Variants in STOX2 observed in about 807,000 individuals in gnomAD.
STOX2 encodes storkhead-box protein 2.
A neutral mutation model predicts 60.9 loss-of-function variants in STOX2; 28 were observed. That is an observed-to-expected ratio of 0.46 (90% confidence interval 0.34 to 0.63). STOX2 has a LOEUF of 0.63. Among genes scored for constraint, STOX2 ranks in the 30% least tolerant of loss-of-function variants. The pLI is 0.01. For synonymous variants in STOX2, 472 were observed against 463.9 expected, an observed-to-expected ratio of 1.02 and a Z score of -0.22; for missense variants, 1,024 against 1,187.7, an observed-to-expected ratio of 0.86 and a Z score of 2.03.
chr4:183,908,347 A>C (rs535244487), intron 1 of STOX2, among the ~76,000 whole-genome samples: 1 of 152,224 alleles, frequency 6.6e-6, no homozygotes. Context: ...CCTAAATGCA[A>C]ACCTAACCTC....
intron 1 of STOX2, among the ~76,000 whole-genome samples, chr4:183,907,609 A>T (rs985494126): frequency 1.3e-5 from 2 of 152,226 alleles, no homozygotes; most frequent in African/African-American, 4.8e-5. Flanking sequence ...GTCAGACAGG[A>T]GGGACAAACA....
intron 1 of STOX2, among the ~76,000 whole-genome samples, chr4:183,855,662 G>T (rs568391635): frequency 6.6e-6 from 1 of 152,306 alleles, no homozygotes; most frequent in South Asian, 2.1e-4. Context: ...TTCAAAATGT[G>T]TATGTAAGCA....
intron 1 of STOX2, among the ~76,000 whole-genome samples, chr4:183,927,948 C>T (rs567427351): frequency 1.4e-4 from 22 of 152,340 alleles, no homozygotes; most frequent in African/African-American, 4.8e-4. Context: ...GGCTCTGCGC[C>T]CCTCCTTGCT....
At chr4:183,914,918 A>G (rs924267462) in intron 1 of STOX2, among the ~76,000 whole-genome samples, 1 of 152,198 alleles carries the variant, frequency 6.6e-6, no homozygotes, top group Non-Finnish European at 1.5e-5. Flanking sequence ...GATAGAAGGG[A>G]TATGTTTTTG....
chr4:183,841,082 G>A (rs1182403850), intron 1 of STOX2, among the ~76,000 whole-genome samples: 1 of 152,206 alleles, frequency 6.6e-6, no homozygotes, highest in Admixed American at 6.5e-5. Flanking sequence ...TGCCCAGGCT[G>A]GTCTCAAATT....
chr4:183,859,959 T>C (rs1740392939), intron 1 of STOX2, among the ~76,000 whole-genome samples: 1 of 152,204 alleles, frequency 6.6e-6, no homozygotes, highest in Admixed American at 6.5e-5. Flanking sequence ...CAGAATTTCC[T>C]GGCAGATTAG....
chr4:183,957,938 T>A (rs11932973), intron 1 of STOX2, among the ~76,000 whole-genome samples: 1 of 147,040 alleles, frequency 6.8e-6, no homozygotes, highest in Non-Finnish European at 1.5e-5. Flanking sequence ...GATGGTAGAA[T>A]GGTATTTAGA....
chr4:184,010,806 G>A lies in STOX2; in HGVS notation c.1968G>A (p.Glu656=). ...SSREPVGHKE[E]SPKGPGGGPA... The stretch of plus-strand genomic sequence containing the variant: ...GGGAGCCTGTGGGGCACAAGGAGGA[G>A]TCACCAAAAGGGCCGGGTGGGGGCC... Residue 656 remains glutamate, a synonymous_variant, in exon 3 of 4, where the codon GAG becomes GAA. Transcript: ENST00000308497. The surrounding 1 kb of genome is among the most constrained non-coding windows in gnomAD (Gnocchi z 4.5). 7 of 1,583,838 alleles carry A rather than the reference G, an allele frequency of 4.4e-6. No homozygotes were observed. The highest frequency in any genetic ancestry group is 6.0e-6 in the Non-Finnish European group (7 of 1,165,694).
At chr4:183,979,992 T>G (rs1401784136) in intron 1 of STOX2, among the ~76,000 whole-genome samples, 1 of 152,238 alleles carries the variant, frequency 6.6e-6, no homozygotes, top group Non-Finnish European at 1.5e-5. Context: ...GATTAACTTA[T>G]AATTAAATAG....
intron 1 of STOX2, among the ~76,000 whole-genome samples, chr4:183,951,102 G>A (rs377367992): frequency 7.3e-5 from 11 of 151,568 alleles, no homozygotes; most frequent in South Asian, 6.3e-4. Context: ...TGTAGTCCCA[G>A]CTACTCGGGA....
chr4:183,844,688 A>T (rs1579327035), intron 1 of STOX2, among the ~76,000 whole-genome samples: 1 of 152,206 alleles, frequency 6.6e-6, no homozygotes, highest in African/African-American at 2.4e-5. Context: ...TCTGGGAGAG[A>T]CTGTAGGTAG....
intron 1 of STOX2, among the ~76,000 whole-genome samples, chr4:183,951,851 G>A (rs1345440283): frequency 6.6e-6 from 1 of 152,108 alleles, no homozygotes; most frequent in African/African-American, 2.4e-5. Context: ...GCTGAGGCAG[G>A]AGAATCTCTT....
chr4:183,930,735 C>A (rs1365074897), intron 1 of STOX2, among the ~76,000 whole-genome samples: 1 of 152,192 alleles, frequency 6.6e-6, no homozygotes, highest in Non-Finnish European at 1.5e-5. Flanking sequence ...AGCTATATTT[C>A]TTTCCCTCTG....
At chr4:183,929,199 A>T (rs946278582) in intron 1 of STOX2, among the ~76,000 whole-genome samples, 1 of 152,232 alleles carries the variant, frequency 6.6e-6, no homozygotes, top group East Asian at 1.9e-4. Context: ...CCCATTGCTC[A>T]TGGCTGGTTT....
Position 184,010,639 on chromosome 4 carries a change from T to A in STOX2, c.1801T>A (p.Phe601Ile), listed in dbSNP as rs1734110067. The A allele has an allele frequency of 6.2e-7, 1 of 1,613,886 alleles. No homozygotes were observed. Among genetic ancestry groups the A allele is most frequent in the Non-Finnish European group, 8.5e-7 (1 of 1,179,894 alleles). ...CPTKTATDDYFQCNTSSETVL... is the reference protein window; with the variant it reads ...CPTKTATDDYIQCNTSSETVL... Reference sequence around the variant, plus strand: ...AACAAAAACAGCCACAGATGACTATTTCCAGTGCAACACCTCTAGTGAGAC... The same window carrying A: ...AACAAAAACAGCCACAGATGACTATATCCAGTGCAACACCTCTAGTGAGAC... Residue 601 changes from phenylalanine to isoleucine, a missense_variant, in exon 3 of 4, where the codon TTC (phenylalanine) becomes ATC (isoleucine). Around this residue, in one of 3 missense-constraint regions of STOX2, gnomAD observed 922 missense variants for 1,058.3 expected, o/e 0.87. Transcript: ENST00000308497. The surrounding 1 kb of genome is among the most constrained non-coding windows in gnomAD (Gnocchi z 4.5).
At chr4:183,849,522 G>A (rs1254475122) in intron 1 of STOX2, among the ~76,000 whole-genome samples, 2 of 152,234 alleles carry the variant, frequency 1.3e-5, no homozygotes, top group Non-Finnish European at 2.9e-5. Context: ...CAATGCTGGA[G>A]GGTGAGCCTA....
chr4:183,896,144 T>C (rs553247092), intron 1 of STOX2, among the ~76,000 whole-genome samples: 2 of 152,312 alleles, frequency 1.3e-5, no homozygotes, highest in East Asian at 3.9e-4. Context: ...GATGATTCAA[T>C]GAGTCAGCAG....
chr4:183,809,126 G>A (rs984117340), intron 1 of STOX2, among the ~76,000 whole-genome samples: 8 of 152,150 alleles, frequency 5.3e-5, no homozygotes, highest in Middle Eastern at 3.2e-3. Flanking sequence ...CTGTCTCCCA[G>A]GCTGGAGTAC....
Position 184,011,137 on chromosome 4 carries a change from C to A in STOX2, c.2299C>A (p.Gln767Lys). The change falls in exon 3 of 4, where the codon CAG becomes AAG. Residue 767 changes from glutamine to lysine, a missense_variant. Gln to Lys is a moderately conservative substitution (Grantham distance 53). This residue lies in a region of STOX2 where 922 missense variants were observed against 1,058.3 expected (regional missense o/e 0.87). Transcript: ENST00000308497. This position sits in a 1 kb window ranked among gnomAD's most constrained non-coding sequence, Gnocchi z 4.4. ...SQRQQESGGN[Q>K]EASFDYYNVS... ...GCGTCAGCAGGAGTCAGGAGGGAAC[C>A]AGGAAGCCTCTTTTGACTATTACAA... The A allele has an allele frequency of 6.3e-7, 1 of 1,575,166 alleles. No individual in the cohort carries two copies. Among genetic ancestry groups the A allele is most frequent in the Non-Finnish European group, 8.6e-7 (1 of 1,163,492 alleles).
Sources: gnomAD v4.1 joint callset for allele counts (sites outside exome capture counted in the v4.1 genomes callset) on GRCh38, gnomAD v4.1.1 for gene constraint, gnomAD v4.1.1 regional missense constraint, Gnocchi (gnomAD v3.1) non-coding constraint, MANE v1.5 for transcripts, NCBI Gene and HGNC (gene_info 2026-07-23, HGNC 2026-07-21) for gene names.